HSPG2: variants seen among roughly 807,000 people sequenced by gnomAD.
The protein encoded by HSPG2 is heparan sulfate proteoglycan 2.
In HSPG2, 278 loss-of-function variants were observed where a neutral mutation model predicts 526.6. That is an observed-to-expected ratio of 0.53 (90% CI 0.48 to 0.58). The LOEUF (loss-of-function observed/expected upper bound fraction) is 0.58, where lower values mean the gene tolerates loss of function less well. HSPG2 is among the 20% of genes least tolerant of loss of function. The pLI is 0.00. For missense variants in HSPG2, 5,354 were observed against 6,099.5 expected (o/e 0.88, Z 4.07); for synonymous variants, 2,465 against 2,555.4 (o/e 0.96, Z 1.07).
chr1:21,852,083 T>C lies in HSPG2; in HGVS notation c.6870+5A>G. On this transcript the variant is annotated splice_donor_5th_base_variant and intron_variant, in intron 53 of 96. Transcript: ENST00000374695. ...GCCCCGTCCCACATTCTTGGTGCCC[T>C]GTACCTGGTGCCGGGCAGGGAGGCT... The C allele has an allele frequency of 1.9e-6, 3 of 1,596,942 alleles. No individual in the cohort carries two copies. The highest frequency in any genetic ancestry group is 2.6e-6 in the Non-Finnish European group (3 of 1,172,358).
At position 21,823,696 on chromosome 1, in the gene HSPG2, T is replaced by C; in HGVS notation, c.12923A>G (p.Gln4308Arg). ...ALREGRRGSIQVDGEELVSGR... is the reference protein window; with the variant it reads ...ALREGRRGSIRVDGEELVSGR... ...GCTGACCAGCTCCTCACCGTCGACT[T>C]GGATGGAACCTCTGCGGCCCTCCCT... The change falls in exon 96 of 97, where the codon CAA becomes CGA. Residue 4308 changes from glutamine (Q) to arginine (R), a missense_variant. Transcript: ENST00000374695. 1.9e-6 allele frequency: 3 copies of C among 1,613,620 alleles called. No homozygotes were observed. Among genetic ancestry groups the C allele is most frequent in the Non-Finnish European group, 2.5e-6 (3 of 1,179,986 alleles).
At chr1:21,862,532 C>T (rs571705008) in intron 37 of HSPG2, among the ~76,000 whole-genome samples, 2 of 145,814 alleles carry the variant, frequency 1.4e-5, no homozygotes, top group Admixed American at 7.1e-5. Context: ...TGGAGTGAGC[C>T]GAGATTGCAC....
intron 1 of HSPG2, among the ~76,000 whole-genome samples, chr1:21,903,739 C>A (rs2152780152): frequency 6.6e-6 from 1 of 152,370 alleles, no homozygotes; most frequent in East Asian, 1.9e-4. Context: ...CAGTCCCAAT[C>A]TCTGAATCTG....
chr1:21,914,467 T>C (rs532675821), intron 1 of HSPG2, among the ~76,000 whole-genome samples: 1 of 152,090 alleles, frequency 6.6e-6, no homozygotes, highest in East Asian at 1.9e-4. Context: ...GAGAGCTAGG[T>C]GTAATTGTCT....
rs776777612 is a variant in HSPG2, at chr1:21,855,891, G to A, written c.5597C>T (p.Pro1866Leu). The change falls in exon 45 of 97, where the codon CCC (proline) becomes CTC (leucine). Residue 1866 changes from proline (P) to leucine (L), a missense_variant. Pro to Leu is a moderately conservative substitution (Grantham distance 98, BLOSUM62 -3). Coordinates refer to ENST00000374695, the MANE Select transcript of HSPG2 (RefSeq NM_005529.7). ...CTGTGGCGGATGGATGGAGACCACG[G>A]GGGCGGACAAGGTGCCCGAGGCTGA... is the stretch of plus-strand genomic sequence containing the variant. ...HVQASGTLSA[P>L]VVSIHPPQLT... 6.4e-5 allele frequency: 103 copies of A among 1,611,086 alleles called. No homozygotes were observed. Among genetic ancestry groups the A allele is most frequent in the Non-Finnish European group, 8.6e-5 (101 of 1,179,988 alleles).
Position 21,827,922 on chromosome 1 carries a change from A to G in HSPG2, c.12533-3T>C, listed in dbSNP as rs1446082347. On this transcript the variant is annotated splice_polypyrimidine_tract_variant and splice_region_variant and intron_variant, in intron 90 of 96. Transcript: ENST00000374695. ...CTCTGCTATGCCATGTCCAGAGCCT[A>G]TGGAGAAGGGCAGGGTCCAGTTGGT... 4.4e-6 allele frequency: 7 copies of G among 1,603,982 alleles called. No individual in the cohort carries two copies. The highest frequency in any genetic ancestry group is 1.1e-5 in the South Asian group (1 of 89,170).
intron 74 of HSPG2, among the ~76,000 whole-genome samples, chr1:21,837,689 AG>A (rs140634020): frequency 0.071 from 10,759 of 152,172 alleles, 1,268 homozygotes; most frequent in African/African-American, 0.24. Context: ...CTACACATGC[AG>A]GGGACAGATG....
rs969536077 is a variant in HSPG2 at position 21,824,011 on chromosome 1, A to G, written c.12899+110T>C. 2 of 1,120,790 alleles carry G rather than the reference A, an allele frequency of 1.8e-6. No individual in the cohort carries two copies. Among genetic ancestry groups the G allele is most frequent in the African/African-American group, 3.1e-5 (2 of 64,884 alleles). The allele number at this position is 1,120,790 out of a possible 1,614,324, so 69.4% of individuals were successfully genotyped here. ...TGGGTTCTCCCCTCCCCTGGCTTCA[A>G]GTTCTGTCTCCACAGAGCTCAATAC... On this transcript the variant is annotated intron_variant, in intron 95 of 96. Coordinates refer to ENST00000374695, the MANE Select transcript of HSPG2 (RefSeq NM_005529.7). This position sits in a 1 kb window ranked among gnomAD's most constrained non-coding sequence, Gnocchi z 5.9.
chr1:21,860,361 G>A (rs547730964), intron 39 of HSPG2, 126 bp from the exon 40 acceptor site: 5 of 809,328 alleles, frequency 6.2e-6, no homozygotes, highest in Admixed American at 2.3e-5. Context: ...AGCTCTGGAA[G>A]CACTTTGGGG....
chr1:21,933,627 A>G (rs1329725034), intron 1 of HSPG2, among the ~76,000 whole-genome samples: 1 of 152,204 alleles, frequency 6.6e-6, no homozygotes, highest in African/African-American at 2.4e-5. Context: ...GCCTGAGAGC[A>G]GGCCCGGGCC....
Position 21,859,565 on chromosome 1 carries a change from C to G in HSPG2, c.5293+1G>C, listed in dbSNP as rs1258332817. 9 of 1,586,954 alleles carry G rather than the reference C, an allele frequency of 5.7e-6. No individual in the cohort carries two copies. Among genetic ancestry groups the G allele is most frequent in the Non-Finnish European group, 7.7e-6 (9 of 1,165,516 alleles). Reference sequence around the variant, plus strand: ...TGGTTACAGGGGGCGTAGGGACTCACCAGTGACCAGCAGCTCTGCCCGGCT... The same window carrying G: ...TGGTTACAGGGGGCGTAGGGACTCAGCAGTGACCAGCAGCTCTGCCCGGCT... On this transcript the variant is annotated splice_donor_variant, in intron 42 of 96. Transcript: ENST00000374695. LOFTEE classifies it high-confidence loss of function. The surrounding 1 kb of genome is among the most constrained non-coding windows in gnomAD (Gnocchi z 5.3).
chr1:21,869,540 C>T, intron 33 of HSPG2: 1 of 987,878 alleles, frequency 1.0e-6, no homozygotes, highest in African/African-American at 1.7e-5. Flanking sequence ...GGAGGTGCTG[C>T]TCGCAGAGCA....
In HSPG2 at chr1:21,839,558, G is replaced by A; in HGVS notation, c.9710-8C>T. The A allele has an allele frequency of 6.2e-7, 1 of 1,613,664 alleles. No individual in the cohort carries two copies. The highest frequency in any genetic ancestry group is 1.1e-5 in the South Asian group (1 of 91,034). ...TGGTGGGCGCGGGGCTGCCTGTGGA[G>A]TCGAGTGGAAGATGACAGAAGTCAC... On this transcript the variant is annotated splice_polypyrimidine_tract_variant and splice_region_variant and intron_variant, in intron 72 of 96. Transcript: ENST00000374695. This position sits in a 1 kb window ranked among gnomAD's most constrained non-coding sequence, Gnocchi z 4.5.
chr1:21,879,220 G>T, intron 17 of HSPG2, 99 bp from the exon 18 acceptor site: 2 of 1,410,636 alleles, frequency 1.4e-6, no homozygotes, highest in Non-Finnish European at 2.0e-6. Context: ...TCCCCATCAC[G>T]CTGGAGGCAC....
intron 26 of HSPG2, 47 bp from the exon 27 acceptor site, chr1:21,874,776 A>T: frequency 6.5e-7 from 1 of 1,537,170 alleles, no homozygotes; most frequent in South Asian, 1.2e-5. Flanking sequence ...AACACGGCCC[A>T]TTCAGGTAGG....
chr1:21,902,735 C>T (rs574492203), intron 1 of HSPG2, among the ~76,000 whole-genome samples: 5 of 152,320 alleles, frequency 3.3e-5, no homozygotes, highest in Admixed American at 1.3e-4. Flanking sequence ...TTCTCGGGAG[C>T]GCTGGGGCAG....
chr1:21,887,691 C>T lies in HSPG2; in HGVS notation c.704-17G>A, dbSNP rs779758429. The T allele has an allele frequency of 3.7e-6, 6 of 1,613,894 alleles. No individual in the cohort carries two copies. Among genetic ancestry groups the T allele is most frequent in the Non-Finnish European group, 5.1e-6 (6 of 1,179,992 alleles). On this transcript the variant is annotated splice_polypyrimidine_tract_variant and intron_variant, in intron 7 of 96. Coordinates refer to ENST00000374695, the MANE Select transcript of HSPG2 (RefSeq NM_005529.7). The surrounding 1 kb of genome is among the most constrained non-coding windows in gnomAD (Gnocchi z 5.0). ...CTGGCTCCTCTGTGGATAGATTCCGCTTGGCATTTGGCAGAAGCAGATGGC... is the reference window on the plus strand; with the variant it reads ...CTGGCTCCTCTGTGGATAGATTCCGTTTGGCATTTGGCAGAAGCAGATGGC...
rs2229491 is a variant in HSPG2 at position 21,842,308 on chromosome 1, T to C, written c.8983A>G (p.Ser2995Gly). The change falls in exon 68 of 97, where the codon AGC (serine) becomes GGC (glycine). Residue 2995 changes from serine to glycine, a missense_variant. Physicochemically the swap from Ser to Gly is moderately conservative, Grantham distance 56. Transcript: ENST00000374695. ...DSGEYVCRAA[S>G]GPGPEQEASF... is the part of the protein sequence containing the mutation. ...GCTTCTTGCTCAGGGCCTGGGCCGC[T>C]GGCTGCACGACACACATACTCGCCT... is the stretch of plus-strand genomic sequence containing the variant. The C allele has an allele frequency of 0.085, 136,602 of 1,613,086 alleles. 6,654 individuals are homozygous for C. The highest frequency in any genetic ancestry group is 0.18 in the African/African-American group (13,813 of 75,022).
At chr1:21,877,047 G>A (rs1451885519) in intron 21 of HSPG2, among the ~76,000 whole-genome samples, 2 of 120,954 alleles carry the variant, frequency 1.7e-5, no homozygotes, top group African/African-American at 3.3e-5. Flanking sequence ...CGATGGGAGC[G>A]AGACTCCATC....
Sources: allele counts gnomAD v4.1 joint callset (sites outside exome capture counted in the v4.1 genomes callset), GRCh38; gene constraint gnomAD v4.1.1; non-coding constraint Gnocchi (gnomAD v3.1); transcripts MANE v1.5; gene names NCBI Gene and HGNC (gene_info 2026-07-23, HGNC 2026-07-21).